The following PAQR5 variants were observed in gnomAD, a reference collection of about 807,000 sequenced individuals.
PAQR5 encodes the protein progestin and adipoQ receptor family member 5, also known as membrane progestin receptor gamma.
A neutral mutation model predicts 34.5 loss-of-function variants in PAQR5; 20 were observed. The observed-to-expected ratio is 0.58, with a 90% confidence interval of 0.41 to 0.84. The LOEUF (loss-of-function observed/expected upper bound fraction) is 0.84. PAQR5 is among the 40% of genes least tolerant of loss of function. PAQR5 has a pLI of 0.00. For missense variants in PAQR5, 378 were observed against 412.7 expected, an observed-to-expected ratio of 0.92 and a Z score of 0.73; for synonymous variants, 131 against 155.6, an observed-to-expected ratio of 0.84 and a Z score of 1.18.
At chr15:69,333,314 C>A (rs906293818) in intron 1 of PAQR5, among the ~76,000 whole-genome samples, 1 of 152,146 alleles carries the variant, frequency 6.6e-6, no homozygotes, top group Non-Finnish European at 1.5e-5. Flanking sequence ...ATCAAAGGCT[C>A]TGTTCTGTTT....
intron 1 of PAQR5, among the ~76,000 whole-genome samples, chr15:69,304,571 A>C (rs2053673705): frequency 6.6e-6 from 1 of 152,174 alleles, no homozygotes; most frequent in African/African-American, 2.4e-5. Context: ...TCCAAGGTTT[A>C]ATTCTCACCC....
At chr15:69,350,680 C>T (rs755936071) in intron 2 of PAQR5, among the ~76,000 whole-genome samples, 1 of 151,930 alleles carries the variant, frequency 6.6e-6, no homozygotes, top group Non-Finnish European at 1.5e-5. Context: ...CACACACACA[C>T]ACACACAAAA....
rs59483245 is a variant in PAQR5, at chr15:69,346,621, ATT to A, written c.-116+9136_-116+9137del. The stretch of plus-strand genomic sequence containing the variant: ...GCGTGAGCTACCACGTCCAGCTGCA[ATT>A]TTTTTTTTTTTTTTTGAGTACACAA... On this transcript the variant is annotated intron_variant, in intron 2 of 8. Transcript: ENST00000395407. 7.7e-3 allele frequency among the ~76,000 whole-genome samples: 1,022 copies of A among 132,498 alleles called. 11 individuals are homozygous for A. The highest frequency in any genetic ancestry group is 0.026 in the African/African-American group (945 of 35,800). 86.9% of individuals were successfully genotyped at this position (132,498 alleles called of 152,430 possible).
intron 1 of PAQR5, among the ~76,000 whole-genome samples, chr15:69,333,689 C>T (rs2054444824): frequency 6.6e-6 from 1 of 152,188 alleles, no homozygotes; most frequent in Non-Finnish European, 1.5e-5. Flanking sequence ...AAATGGCACC[C>T]TTAATTTTGG....
chr15:69,341,873 G>A (rs986923248), intron 2 of PAQR5, among the ~76,000 whole-genome samples: 1 of 151,060 alleles, frequency 6.6e-6, no homozygotes, highest in African/African-American at 2.4e-5. Context: ...AATCCCAGGA[G>A]GTCAAGTCTG....
At chr15:69,375,778 G>A (rs144726427) in intron 3 of PAQR5, among the ~76,000 whole-genome samples, 6 of 152,258 alleles carry the variant, frequency 3.9e-5, no homozygotes, top group Admixed American at 2.6e-4. Context: ...TGAGGATTCC[G>A]TGAGCAGGAA....
chr15:69,364,807 C>T (rs569473146), intron 3 of PAQR5, among the ~76,000 whole-genome samples: 9 of 151,358 alleles, frequency 5.9e-5, no homozygotes, highest in South Asian at 2.1e-4. Context: ...GGCAAGATCT[C>T]GGCTCACTGC....
intron 3 of PAQR5, among the ~76,000 whole-genome samples, chr15:69,370,125 C>G (rs1372494641): frequency 6.6e-6 from 1 of 152,216 alleles, no homozygotes; most frequent in Non-Finnish European, 1.5e-5. Flanking sequence ...AGTGCCCCAG[C>G]CATTCTTCCA....
At chr15:69,378,901 G>T (rs1270344646) in intron 3 of PAQR5, among the ~76,000 whole-genome samples, 1 of 152,040 alleles carries the variant, frequency 6.6e-6, no homozygotes, top group East Asian at 1.9e-4. Context: ...GGACTCACAG[G>T]TTGGCCCCCA....
intron 1 of PAQR5, among the ~76,000 whole-genome samples, chr15:69,300,590 CTTCT>C (rs71147600): frequency 0.12 from 4,851 of 42,180 alleles, 932 homozygotes; most frequent in Admixed American, 0.14. Flanking sequence ...TCTTTCTTTC[CTTCT>C]TTCTTTCTTT....
intron 1 of PAQR5, among the ~76,000 whole-genome samples, chr15:69,317,276 G>A (rs530590717): frequency 6.6e-6 from 1 of 152,210 alleles, no homozygotes; most frequent in Non-Finnish European, 1.5e-5. Context: ...ACACACCAGG[G>A]GGAGTGGTTG....
chr15:69,369,835 G>C (rs2055506540), intron 3 of PAQR5, among the ~76,000 whole-genome samples: 1 of 150,902 alleles, frequency 6.6e-6, no homozygotes, highest in Non-Finnish European at 1.5e-5. Flanking sequence ...TAGACTCCTA[G>C]CTTTATTGGC....
At chr15:69,338,823 T>G (rs1198670481) in intron 2 of PAQR5, among the ~76,000 whole-genome samples, 1 of 152,234 alleles carries the variant, frequency 6.6e-6, no homozygotes, top group Non-Finnish European at 1.5e-5. Context: ...GAAACTTACT[T>G]TGTAGTTTAT....
At chr15:69,304,580 C>T (rs1315201300) in intron 1 of PAQR5, among the ~76,000 whole-genome samples, 1 of 152,172 alleles carries the variant, frequency 6.6e-6, no homozygotes, top group African/African-American at 2.4e-5. Context: ...TAATTCTCAC[C>T]CATGCCCTGT....
intron 3 of PAQR5, among the ~76,000 whole-genome samples, chr15:69,370,636 C>A (rs959497371): frequency 1.3e-5 from 2 of 152,208 alleles, no homozygotes; most frequent in African/African-American, 4.8e-5. Context: ...TCTCCTGCCT[C>A]AGCCTCCCGA....
In PAQR5 at chr15:69,365,981, C is replaced by G. The variant is rs1300969217; in HGVS notation, c.51+5850C>G. Among the ~76,000 whole-genome samples the G allele has an allele frequency of 2.6e-5, 4 of 152,086 alleles. No individual in the cohort carries two copies. In the East Asian group the frequency reaches 7.7e-4, roughly 29 times the overall value. ...ACAATTCACATATTATAAAATCCAC[C>G]CTGTAAAAGTGTACAATTCAGTGTT... On this transcript the variant is annotated intron_variant, in intron 3 of 8. Coordinates refer to ENST00000395407, the MANE Select transcript of PAQR5 (RefSeq NM_017705.4).
At chr15:69,399,162 C>T (rs1046483745) in intron 7 of PAQR5, among the ~76,000 whole-genome samples, 1 of 152,144 alleles carries the variant, frequency 6.6e-6, no homozygotes, top group Non-Finnish European at 1.5e-5. Flanking sequence ...AGAAGGCCTT[C>T]CAGGGATTTC....
chr15:69,359,335 C>A (rs192135096), intron 2 of PAQR5, among the ~76,000 whole-genome samples: 1 of 152,292 alleles, frequency 6.6e-6, no homozygotes, highest in African/African-American at 2.4e-5. Context: ...GCAGACAAAA[C>A]TCCTCAGACA....
intron 1 of PAQR5, among the ~76,000 whole-genome samples, chr15:69,333,093 G>T (rs1048268590): frequency 6.6e-6 from 1 of 152,108 alleles, no homozygotes; most frequent in African/African-American, 2.4e-5. Flanking sequence ...CCTGGGAAAA[G>T]GTTTTTTCTT....
Sources: gnomAD v4.1 joint callset for allele counts (sites outside exome capture counted in the v4.1 genomes callset) on GRCh38, gnomAD v4.1.1 for gene constraint, MANE v1.5 for transcripts, NCBI Gene and HGNC (gene_info 2026-07-23, HGNC 2026-07-21) for gene names.